POMGNT1: variants seen among roughly 807,000 people sequenced by gnomAD.
The protein encoded by POMGNT1 is protein O-linked-mannose beta-1,2-N-acetylglucosaminyltransferase 1.
A neutral mutation model predicts 95.6 loss-of-function variants in POMGNT1; 67 were observed. The observed-to-expected ratio is 0.70, with a 90% CI of 0.58 to 0.86. The LOEUF is 0.86. Among genes scored for constraint, POMGNT1 ranks in the 40% least tolerant of loss-of-function variants. The probability of loss-of-function intolerance (pLI) is 0.00; values close to 1 mark genes in which losing one functional copy is unlikely to be tolerated. For synonymous variants in POMGNT1, 298 were observed against 317.9 expected, an observed-to-expected ratio of 0.94 and a Z score of 0.66; for missense variants, 719 against 855.2, an observed-to-expected ratio of 0.84 and a Z score of 1.99.
chr1:46,188,927 C>A lies in POMGNT1; in HGVS notation c.*343G>T, dbSNP rs368285518. On this transcript the variant is annotated 3_prime_UTR_variant, in exon 22 of 22. Transcript: ENST00000371984. ...GAAATCCAGGCCCTCCAGGTTCGGC[C>A]TGTTTTCAAGGCCCTCAGGACAGTC... 29 of 1,612,684 alleles carry A rather than the reference C, an allele frequency of 1.8e-5. No individual in the cohort carries two copies. The highest frequency in any genetic ancestry group is 2.4e-5 in the Non-Finnish European group (28 of 1,179,904).
intron 1 of POMGNT1, chr1:46,203,515 G>A (rs1658614416): frequency 6.4e-7 from 1 of 1,561,034 alleles, no homozygotes; most frequent in Non-Finnish European, 8.7e-7. Context: ...CTGCTCCGCG[G>A]GCTGCGAGGC....
intron 17 of POMGNT1, chr1:46,191,035 T>C (rs1176659029): frequency 4.3e-6 from 2 of 466,448 alleles, no homozygotes; most frequent in African/African-American, 2.0e-5. Flanking sequence ...CACAGACCCA[T>C]GAACTAGCAG....
At chr1:46,190,598 A>G (rs1467620077) in intron 18 of POMGNT1, 81 bp from the exon 19 acceptor site, 2 of 1,532,996 alleles carry the variant, frequency 1.3e-6, no homozygotes, top group Non-Finnish European at 9.0e-7. Flanking sequence ...GCAAGGGGTC[A>G]CATGGGAATC....
intron 1 of POMGNT1, chr1:46,219,549 C>A: frequency 1.3e-6 from 1 of 761,294 alleles, no homozygotes; most frequent in Non-Finnish European, 2.0e-6. Context: ...AGCAGTCTGT[C>A]TGCTTCTGAA....
intron 1 of POMGNT1, among the ~76,000 whole-genome samples, chr1:46,204,600 TG>T (rs1179697990): frequency 1.3e-5 from 2 of 152,156 alleles, no homozygotes; most frequent in Non-Finnish European, 2.9e-5. Context: ...ATGGGGGCTC[TG>T]AGACCAGCCA....
rs138642840 is a variant in POMGNT1, at chr1:46,192,097, C to T, written c.1539+1G>A. Reference sequence around the variant, plus strand: ...TGCCCTGCTCCCTGCCTCCCACTCACGTGAAAGTAGCCATTCATGTTGAGG... The same window carrying T: ...TGCCCTGCTCCCTGCCTCCCACTCATGTGAAAGTAGCCATTCATGTTGAGG... On this transcript the variant is annotated splice_donor_variant, in intron 17 of 21. Transcript: ENST00000371984. LOFTEE classifies it high-confidence loss of function. The T allele has an allele frequency of 3.5e-4, 570 of 1,613,632 alleles. No individual in the cohort carries two copies. The highest frequency in any genetic ancestry group is 3.3e-4 in the Non-Finnish European group (389 of 1,179,550).
rs144038242 is a variant in POMGNT1, at chr1:46,220,023, A to G, written c.-369T>C. ...TTCCGAGATGGACTGGGCAAAAGTT[A>G]TAGCTGGTGGAGAGAGGGCCAGGAC... is the stretch of plus-strand genomic sequence containing the variant. On this transcript the variant is annotated 5_prime_UTR_variant, in exon 1 of 23. Transcript: ENST00000371992. 21 of 1,614,100 alleles carry G rather than the reference A, an allele frequency of 1.3e-5. No homozygotes were observed. In the African/African-American group the frequency reaches 2.1e-4, roughly 16 times the overall value.
chr1:46,199,184 C>T (rs1475651816), upstream of POMGNT1, among the ~76,000 whole-genome samples: 8 of 152,196 alleles, frequency 5.3e-5, no homozygotes, highest in South Asian at 2.1e-4. Context: ...TCAAGTGATC[C>T]GCCCGCCTTG....
chr1:46,207,261 A>G (rs908162317), intron 1 of POMGNT1, among the ~76,000 whole-genome samples: 1 of 151,850 alleles, frequency 6.6e-6, no homozygotes, highest in Non-Finnish European at 1.5e-5. Flanking sequence ...TTGTATTTTT[A>G]GTAGAGACGG....
intron 8 of POMGNT1, 34 bp from the exon 9 acceptor site, chr1:46,194,435 G>A (rs202164791): frequency 2.5e-6 from 4 of 1,614,110 alleles, no homozygotes; most frequent in African/African-American, 1.3e-5. Flanking sequence ...TGGAGGCATG[G>A]GGCCAGCAAG....
At chr1:46,197,626 GTC>G in intron 2 of POMGNT1, 74 bp downstream of exon 2, 2 of 1,601,350 alleles carry the variant, frequency 1.2e-6, no homozygotes, top group Non-Finnish European at 8.6e-7. Flanking sequence ...GCCAACAGGG[GTC>G]CCAGTGCCTG....
At chr1:46,204,816 T>G (rs553006919) in intron 1 of POMGNT1, among the ~76,000 whole-genome samples, 3 of 152,182 alleles carry the variant, frequency 2.0e-5, no homozygotes, top group Non-Finnish European at 4.4e-5. Flanking sequence ...AAACTTTAGC[T>G]CAAGGCCTAG....
chr1:46,194,359 C>G lies in POMGNT1; in HGVS notation c.794G>C (p.Arg265Pro), dbSNP rs386834010. Residue 265 changes from arginine (R) to proline (P), a missense_variant, in exon 9 of 22, where the codon CGC becomes CCC. Arg to Pro is a moderately radical substitution (Grantham distance 103, BLOSUM62 -2). Around this residue, in one of 5 missense-constraint regions of POMGNT1, gnomAD observed 466 missense variants for 517.4 expected, o/e 0.90. Coordinates refer to ENST00000371984, the MANE Select transcript of POMGNT1 (RefSeq NM_017739.4). ...CTCAACTTTGCTGCAGAAGCGCCGG[C>G]GGCGACGGTTCAGCTCTGTGTCTGC... ...HWADTELNRR[R>P]RRFCSKVEGY... 2 of 1,614,202 alleles carry G rather than the reference C, an allele frequency of 1.2e-6. No individual in the cohort carries two copies. The highest frequency in any genetic ancestry group is 2.2e-5 in the East Asian group (1 of 44,880).
Position 46,193,231 on chromosome 1 carries a change from G to T in POMGNT1, c.1111-16C>A. On this transcript the variant is annotated splice_polypyrimidine_tract_variant and intron_variant, in intron 12 of 21. Coordinates refer to ENST00000371984, the MANE Select transcript of POMGNT1 (RefSeq NM_017739.4). Reference sequence around the variant, plus strand: ...CCTTGTAGTGCTGGGAGTGGGGTGGGAATAGGGCACATGAGCTTTAGGGTA... The same window carrying T: ...CCTTGTAGTGCTGGGAGTGGGGTGGTAATAGGGCACATGAGCTTTAGGGTA... 1 of 1,614,140 alleles carries T rather than the reference G, an allele frequency of 6.2e-7. No individual in the cohort carries two copies. The highest frequency in any genetic ancestry group is 8.5e-7 in the Non-Finnish European group (1 of 1,180,016).
Position 46,189,012 on chromosome 1 carries a change from G to A in POMGNT1, c.*258C>T, listed in dbSNP as rs750417663. ...AGTGAGGGTATTCAAAGGGCAGGAT[G>A]AGCTGCTAGGGATCGTAATGATTCC... is the stretch of plus-strand genomic sequence containing the variant. On this transcript the variant is annotated 3_prime_UTR_variant, in exon 22 of 22. Coordinates refer to ENST00000371984, the MANE Select transcript of POMGNT1 (RefSeq NM_017739.4). 6.3e-7 allele frequency: 1 copy of A among 1,592,898 alleles called. No individual in the cohort carries two copies. The highest frequency in any genetic ancestry group is 1.1e-5 in the South Asian group (1 of 89,060).
Position 46,189,558 on chromosome 1 carries a change from T to C in POMGNT1, c.1795A>G (p.Ile599Val), listed in dbSNP as rs1479513941. ...TWTQLAKCLHIWDLDVRGNHR... is the reference protein window; with the variant it reads ...TWTQLAKCLHVWDLDVRGNHR... ...TTGCCACGCACATCCAGGTCCCAGA[T>C]ATGGAGGCACTAGTGAGGGTGGGAT... is the stretch of plus-strand genomic sequence containing the variant. Residue 599 changes from isoleucine to valine, a missense_variant, in exon 21 of 22, where the codon ATC becomes GTC. This residue lies in a region of POMGNT1 where 130 missense variants were observed against 149.2 expected (regional missense o/e 0.87). Transcript: ENST00000371984. The C allele has an allele frequency of 6.2e-7, 1 of 1,611,310 alleles. No homozygotes were observed. Among genetic ancestry groups the C allele is most frequent in the Non-Finnish European group, 8.5e-7 (1 of 1,178,840 alleles).
chr1:46,194,052 C>G (rs1431476121), intron 9 of POMGNT1, 127 bp from the exon 10 acceptor site: 1 of 1,551,708 alleles, frequency 6.4e-7, no homozygotes, highest in African/African-American at 1.4e-5. Flanking sequence ...AGAGGATCTT[C>G]CCTGTTCTGG....
At chr1:46,219,716 C>T (rs759303671) in exon 1 of POMGNT1, 54 of 1,596,292 alleles carry the variant, frequency 3.4e-5, no homozygotes, top group Admixed American at 2.4e-4. Context: ...TGCGAGCCAT[C>T]GATGTGAAGA....
At chr1:46,202,696 C>CAAAAAAAAA (rs768113273), upstream of POMGNT1, among the ~76,000 whole-genome samples, 1 of 32,230 alleles carries the variant, frequency 3.1e-5, no homozygotes, top group Non-Finnish European at 5.3e-5. Flanking sequence ...GACTCTGTCT[C>CAAAAAAAAA]AAAAAAAAAA....
Sources: allele counts gnomAD v4.1 joint callset (sites outside exome capture counted in the v4.1 genomes callset), GRCh38; gene constraint gnomAD v4.1.1; regional missense constraint gnomAD v4.1.1; transcripts MANE v1.5; gene names NCBI Gene and HGNC (gene_info 2026-07-23, HGNC 2026-07-21).